HDC: variants seen among roughly 807,000 people sequenced by gnomAD.
HDC encodes histidine decarboxylase.
Under a neutral mutation model 64.4 loss-of-function variants are expected in HDC, and 27 were observed. That is an observed-to-expected ratio of 0.42 (90% confidence interval 0.31 to 0.58). HDC has a LOEUF of 0.58. HDC is among the 20% of genes least tolerant of loss of function. The pLI, the probability that HDC is intolerant of heterozygous loss-of-function variation, is 0.16. For missense variants in HDC, 711 were observed against 833.9 expected (o/e 0.85, Z 1.81); for synonymous variants, 305 against 314.2 (o/e 0.97, Z 0.31).
intron 2 of HDC, among the ~76,000 whole-genome samples, chr15:50,262,336 G>A (rs562038372): frequency 2.0e-5 from 3 of 152,314 alleles, no homozygotes; most frequent in African/African-American, 7.2e-5. Flanking sequence ...ACTTCTCTGA[G>A]CATCAGCAGT....
intron 9 of HDC, among the ~76,000 whole-genome samples, chr15:50,250,045 GCTAAGGTAACGCTCCCTC>G (rs2045534184): frequency 6.6e-6 from 1 of 152,212 alleles, no homozygotes; most frequent in Non-Finnish European, 1.5e-5. Flanking sequence ...CCTTGCCAAG[GCTAAGGTAACGCTCCCTC>G]CACTGGTGCT....
At chr15:50,243,274 ATTAAT>A in intron 10 of HDC, 30 bp from the exon 11 acceptor site, 1 of 1,368,630 alleles carries the variant, frequency 7.3e-7, no homozygotes, top group Non-Finnish European at 1.0e-6. Flanking sequence ...GAGAACTGAG[ATTAAT>A]CATCAGACAA....
chr15:50,246,688 T>C (rs1000105151), intron 10 of HDC, among the ~76,000 whole-genome samples: 1 of 152,178 alleles, frequency 6.6e-6, no homozygotes, highest in Non-Finnish European at 1.5e-5. Flanking sequence ...GGGTTTGATT[T>C]GCAAACAGAA....
chr15:50,255,845 T>C (rs1171504717), intron 4 of HDC, among the ~76,000 whole-genome samples: 1 of 152,104 alleles, frequency 6.6e-6, no homozygotes, highest in Non-Finnish European at 1.5e-5. Context: ...TGTATTGCAA[T>C]TCATAGTTTA....
intron 2 of HDC, among the ~76,000 whole-genome samples, chr15:50,261,547 G>A (rs867851202): frequency 1.3e-5 from 2 of 150,068 alleles, no homozygotes; most frequent in Admixed American, 6.7e-5. Context: ...TTGGAAGGCC[G>A]AGGCAGGAGG....
rs1445186358 is a variant in HDC at position 50,248,599 on chromosome 15, C to T, written c.1042-256G>A. 6.6e-6 allele frequency among the ~76,000 whole-genome samples: 1 copy of T among 152,174 alleles called. No individual in the cohort carries two copies. On this transcript the variant is annotated intron_variant, in intron 9 of 11. Transcript: ENST00000267845. The surrounding 1 kb of genome is among the most constrained non-coding windows in gnomAD (Gnocchi z 4.3). ...TGGAAGTCAAGTCCATTACCCTGAA[C>T]CAATGAGAAGGGCACTTTGCTTTCA...
Position 50,242,942 on chromosome 15 carries a change from A to T in HDC, c.1307T>A (p.Ile436Asn). ...TAACTTGTCCTGGATAGTGGCCGGG[A>T]TGAGGAAGAGACGGCCAGCTTTAGC... ...EIAKAGRLFL[I>N]PATIQDKLII... is the part of the protein sequence containing the mutation. The change falls in exon 12 of 12, where the codon ATC becomes AAC. Residue 436 changes from isoleucine (I) to asparagine (N), a missense_variant. Coordinates refer to ENST00000267845, the MANE Select transcript of HDC (RefSeq NM_002112.4). 1 of 1,613,976 alleles carries T rather than the reference A, an allele frequency of 6.2e-7. No individual in the cohort carries two copies. The highest frequency in any genetic ancestry group is 8.5e-7 in the Non-Finnish European group (1 of 1,179,880).
chr15:50,258,781 A>G (rs2045664788), intron 2 of HDC, among the ~76,000 whole-genome samples: 1 of 152,210 alleles, frequency 6.6e-6, no homozygotes, highest in African/African-American at 2.4e-5. Flanking sequence ...AAGGAAAATC[A>G]CTACAGTAAC....
chr15:50,248,319 G>A lies in HDC; in HGVS notation c.1066C>T (p.Arg356Trp), dbSNP rs1269637056. 3.1e-6 allele frequency: 5 copies of A among 1,613,832 alleles called. No individual in the cohort carries two copies. The highest frequency in any genetic ancestry group is 4.2e-6 in the Non-Finnish European group (5 of 1,179,852). ...FMHWQIPLSR[R>W]FRSVKLWFVI... is the part of the protein sequence containing the mutation. ...AACCAGAGTTTAACAGAGCGAAACCGTCGGCTCAGGGGGATCTGCCAGTGC... is the reference window on the plus strand; with the variant it reads ...AACCAGAGTTTAACAGAGCGAAACCATCGGCTCAGGGGGATCTGCCAGTGC... Residue 356 changes from arginine to tryptophan, a missense_variant, in exon 10 of 12, where the codon CGG (arginine) becomes TGG (tryptophan). Around this residue, in one of 3 missense-constraint regions of HDC, gnomAD observed 483 missense variants for 540.9 expected, o/e 0.89. Coordinates refer to ENST00000267845, the MANE Select transcript of HDC (RefSeq NM_002112.4). This position sits in a 1 kb window ranked among gnomAD's most constrained non-coding sequence, Gnocchi z 4.3.
At chr15:50,243,434 C>T (rs112115468) in intron 10 of HDC, among the ~76,000 whole-genome samples, 190 bp from the exon 11 acceptor site, 12 of 152,334 alleles carry the variant, frequency 7.9e-5, no homozygotes, top group African/African-American at 2.9e-4. Flanking sequence ...CCAATGGCGC[C>T]CTGTTTCCTG....
chr15:50,250,442 C>G (rs28591129), intron 9 of HDC, among the ~76,000 whole-genome samples: 2 of 152,072 alleles, frequency 1.3e-5, no homozygotes, highest in Non-Finnish European at 2.9e-5. Flanking sequence ...TAATAAGGTT[C>G]CCCAGAGCAG....
intron 10 of HDC, among the ~76,000 whole-genome samples, chr15:50,247,580 T>A (rs1477925056): frequency 6.6e-6 from 1 of 152,150 alleles, no homozygotes; most frequent in Admixed American, 6.5e-5. Context: ...ATGTGGACTC[T>A]TGTAGAAGTG....
At chr15:50,262,799 G>A (rs2045720754) in intron 2 of HDC, among the ~76,000 whole-genome samples, 1 of 152,124 alleles carries the variant, frequency 6.6e-6, no homozygotes. Flanking sequence ...CTTTGGTGTG[G>A]TCTCAGACAC....
chr15:50,251,691 G>C (rs1361254203), intron 9 of HDC, among the ~76,000 whole-genome samples: 1 of 152,192 alleles, frequency 6.6e-6, no homozygotes, highest in Non-Finnish European at 1.5e-5. Context: ...GGTTTGCTGG[G>C]CGCGGTGGCT....
In HDC at chr15:50,265,592, CCT is replaced by C. The variant is rs1449218066; in HGVS notation, c.30_31del (p.Gly11GlufsTer34). 6.2e-7 allele frequency: 1 copy of C among 1,613,622 alleles called. No homozygotes were observed. ...GAGGGCCAGGGATGCCCGTTGCTCACCTCTCTCTCTGTACTCCTCAGGCTCCA... is the reference window on the plus strand; with the variant it reads ...GAGGGCCAGGGATGCCCGTTGCTCACCTCTCTCTGTACTCCTCAGGCTCCA... On this transcript the variant is annotated frameshift_variant and splice_region_variant, in exon 1 of 12. Transcript: ENST00000267845. LOFTEE classifies it high-confidence loss of function.
chr15:50,258,869 A>G (rs988728590), intron 2 of HDC, among the ~76,000 whole-genome samples: 65 of 152,194 alleles, frequency 4.3e-4, no homozygotes, highest in African/African-American at 1.0e-3. Context: ...CAGCAATAAA[A>G]GGAAGGGCAG....
chr15:50,251,227 T>G (rs950863576), intron 9 of HDC, among the ~76,000 whole-genome samples: 1 of 152,336 alleles, frequency 6.6e-6, no homozygotes, highest in African/African-American at 2.4e-5. Flanking sequence ...CTCCAACACA[T>G]GCCATCTGGC....
chr15:50,261,864 C>T (rs552394622), intron 2 of HDC, among the ~76,000 whole-genome samples: 1 of 152,186 alleles, frequency 6.6e-6, no homozygotes, highest in East Asian at 1.9e-4. Flanking sequence ...CATGTGCCAC[C>T]ATGCCCAGCT....
chr15:50,251,786 G>A (rs1004989428), intron 9 of HDC, among the ~76,000 whole-genome samples: 1 of 151,600 alleles, frequency 6.6e-6, no homozygotes, highest in African/African-American at 2.4e-5. Flanking sequence ...GAGCCAAGAT[G>A]GCGCCACTGC....
Sources: allele counts gnomAD v4.1 joint callset (sites outside exome capture counted in the v4.1 genomes callset), GRCh38; gene constraint gnomAD v4.1.1; regional missense constraint gnomAD v4.1.1; non-coding constraint Gnocchi (gnomAD v3.1); transcripts MANE v1.5; gene names NCBI Gene and HGNC (gene_info 2026-07-23, HGNC 2026-07-21).